Variants in DEK observed in about 807,000 individuals in gnomAD.
DEK encodes the protein protein DEK.
Under a neutral mutation model 46.8 loss-of-function variants are expected in DEK, and 28 were observed. The ratio of observed to expected loss-of-function variants is 0.60; its 90% confidence interval spans 0.44 to 0.82. The LOEUF (loss-of-function observed/expected upper bound fraction) is 0.82, where lower values mean the gene tolerates loss of function less well. Ranked by LOEUF, DEK falls within the 40% of genes least tolerant of loss-of-function variation. DEK has a pLI of 0.00. For missense variants in DEK, 416 were observed against 430.6 expected, an observed-to-expected ratio of 0.97 and a Z score of 0.30; for synonymous variants, 160 against 144.5, an observed-to-expected ratio of 1.11 and a Z score of -0.77.
rs752612419 is a variant in DEK at position 18,263,897 on chromosome 6, C to T, written c.91G>A (p.Glu31Lys). 1 of 1,612,882 alleles carries T rather than the reference C, an allele frequency of 6.2e-7. No homozygotes were observed. The highest frequency in any genetic ancestry group is 1.3e-5 in the African/African-American group (1 of 74,998). ...TCCTCGTCCTCTTCCTCCTCGCTCTCCTCTCTGGGACCGGGCATTTCGGGT... is the reference window on the plus strand; with the variant it reads ...TCCTCGTCCTCTTCCTCCTCGCTCTTCTCTCTGGGACCGGGCATTTCGGGT... ...KEPEMPGPRE[E>K]SEEEEDEDDE... Residue 31 changes from glutamate to lysine, a missense_variant, in exon 2 of 11, where the codon GAG becomes AAG. Physicochemically the swap from Glu to Lys is moderately conservative, Grantham distance 56 (BLOSUM62 1). Coordinates refer to ENST00000652689, the MANE Select transcript of DEK (RefSeq NM_003472.4).
chr6:18,264,482 G>A lies in DEK; in HGVS notation c.-107C>T, dbSNP rs1792029916. ...CCGAGGAGAAGGCGCGCGGGCCGCT[G>A]TCTGGCGTGACGCTCGCGCCGCGCG... On this transcript the variant is annotated 5_prime_UTR_variant, in exon 1 of 11. Transcript: ENST00000652689. 1 of 274,230 alleles carries A rather than the reference G, an allele frequency of 3.6e-6. No homozygotes were observed. The highest frequency in any genetic ancestry group is 7.3e-6 in the Non-Finnish European group (1 of 136,908). 17.0% of individuals were successfully genotyped at this position (274,230 alleles called of 1,614,324 possible).
chr6:18,232,715 C>T (rs967547573), intron 9 of DEK, among the ~76,000 whole-genome samples: 2 of 152,110 alleles, frequency 1.3e-5, no homozygotes, highest in Admixed American at 1.3e-4. Flanking sequence ...TAAAAGAGGA[C>T]ACAAACAAAT....
chr6:18,226,862 C>A (rs905658187), intron 9 of DEK, among the ~76,000 whole-genome samples: 1 of 152,192 alleles, frequency 6.6e-6, no homozygotes, highest in Non-Finnish European at 1.5e-5. Flanking sequence ...AAGAAAAATT[C>A]TTCTGCCTTG....
rs186131269 is a variant in DEK at position 18,231,263 on chromosome 6, G to C, written c.1048-5021C>G. The stretch of plus-strand genomic sequence containing the variant: ...TAGCACTAAATGCCCACAGGAGAAA[G>C]CAGGAAAGATCTAAAATTGACACCC... On this transcript the variant is annotated intron_variant, in intron 9 of 10. Coordinates refer to ENST00000652689, the MANE Select transcript of DEK (RefSeq NM_003472.4). Among the ~76,000 whole-genome samples, 4 of 152,250 alleles carry C rather than the reference G, an allele frequency of 2.6e-5. No individual in the cohort carries two copies. In the East Asian group the frequency reaches 7.7e-4, roughly 29 times the overall value.
intron 6 of DEK, among the ~76,000 whole-genome samples, chr6:18,250,661 A>C (rs1791337528): frequency 7.7e-6 from 1 of 130,220 alleles, no homozygotes; most frequent in African/African-American, 3.0e-5. Context: ...ACGCCCAGCT[A>C]ATTTTTGTAT....
chr6:18,255,916 T>C (rs1791574069), intron 5 of DEK, 65 bp from the exon 6 acceptor site: 6 of 1,521,674 alleles, frequency 3.9e-6, no homozygotes, highest in Admixed American at 2.3e-5. Context: ...TTCTCCACAA[T>C]ATAAAGGGAA....
intron 9 of DEK, 93 bp from the exon 10 acceptor site, chr6:18,226,335 C>G (rs535678905): frequency 9.5e-7 from 1 of 1,057,360 alleles, no homozygotes; most frequent in Admixed American, 4.2e-5. Context: ...CTGCTACGTG[C>G]AAATAGCCAC....
At position 18,249,763 on chromosome 6, in the gene DEK, G is replaced by C; in HGVS notation, c.650C>G (p.Ala217Gly). ...AATTTCAGGACATTTGGTTCGCTTA[G>C]CCTTCCTTGCCATTCCAGAACTGTT... ...ERNSSGMARKAKRTKCPEILS... is the reference protein window; with the variant it reads ...ERNSSGMARKGKRTKCPEILS... Residue 217 changes from alanine (A) to glycine (G), a missense_variant, in exon 7 of 11, where the codon GCT becomes GGT. Transcript: ENST00000652689. The C allele has an allele frequency of 6.2e-7, 1 of 1,613,538 alleles. No individual in the cohort carries two copies. The highest frequency in any genetic ancestry group is 8.5e-7 in the Non-Finnish European group (1 of 1,179,898).
intron 2 of DEK, among the ~76,000 whole-genome samples, chr6:18,260,090 C>T (rs764859745): frequency 5.3e-5 from 8 of 152,148 alleles, no homozygotes; most frequent in Non-Finnish European, 8.8e-5. Context: ...TTCCAGGACG[C>T]CCCTCAGATG....
chr6:18,248,222 A>G (rs1350770939), intron 7 of DEK, among the ~76,000 whole-genome samples: 1 of 152,196 alleles, frequency 6.6e-6, no homozygotes, highest in Admixed American at 6.5e-5. Context: ...TTATACTAAT[A>G]CAGTAATAAT....
chr6:18,259,394 C>CAAA lies in DEK; in HGVS notation c.146-992_146-990dup, dbSNP rs56704006. Among the ~76,000 whole-genome samples, 32 of 41,476 alleles carry CAAA rather than the reference C, an allele frequency of 7.7e-4. 1 individual carries two copies. Among genetic ancestry groups the CAAA allele is most frequent in the Non-Finnish European group, 9.9e-4 (19 of 19,164 alleles). 27.2% of individuals were successfully genotyped at this position (41,476 alleles called of 152,430 possible). A position where few individuals can be genotyped will look rare whatever the true frequency, so the allele number is the denominator to read the frequency against. On this transcript the variant is annotated intron_variant, in intron 2 of 10. Transcript: ENST00000652689. ...TGGGCGACACAGCAAGACTCCGTCT[C>CAAA]AAAAAAAAAAAAAAAAAAAAAAAAA... is the stretch of plus-strand genomic sequence containing the variant.
At position 18,224,571 on chromosome 6, in the gene DEK, G is replaced by A. The variant is rs1354067345; in HGVS notation, c.*1148C>T. ...AACACTGATTAACCAAACTCTGAAA[G>A]CCAAGAGCCCCAACTCCAGAGAAAC... On this transcript the variant is annotated 3_prime_UTR_variant, in exon 11 of 11. Transcript: ENST00000652689. 1 of 202,386 alleles carries A rather than the reference G, an allele frequency of 4.9e-6. No individual in the cohort carries two copies. Among genetic ancestry groups the A allele is most frequent in the Non-Finnish European group, 1.0e-5 (1 of 98,512 alleles). 12.5% of individuals were successfully genotyped at this position (202,386 alleles called of 1,614,324 possible).
At chr6:18,235,525 C>T (rs915991585) in intron 9 of DEK, among the ~76,000 whole-genome samples, 3 of 152,306 alleles carry the variant, frequency 2.0e-5, no homozygotes, top group African/African-American at 7.2e-5. Flanking sequence ...CAGTACCTTC[C>T]ATATTCTAAC....
chr6:18,250,463 C>T lies in DEK; in HGVS notation c.574-624G>A, dbSNP rs186351776. On this transcript the variant is annotated intron_variant, in intron 6 of 10. Transcript: ENST00000652689. Reference sequence around the variant, plus strand: ...CAGCCTGGGCAACAGTGTGAGACTCCGTCTCAAAAAAACACAAAAAGCAAA... The same window carrying T: ...CAGCCTGGGCAACAGTGTGAGACTCTGTCTCAAAAAAACACAAAAAGCAAA... Among the ~76,000 whole-genome samples the T allele has an allele frequency of 8.5e-3, 1,283 of 151,652 alleles. 13 individuals are homozygous for T. Among genetic ancestry groups the T allele is most frequent in the South Asian group, 0.016 (77 of 4,806 alleles).
intron 7 of DEK, among the ~76,000 whole-genome samples, chr6:18,243,656 A>T (rs756383754): frequency 5.3e-5 from 8 of 152,212 alleles, no homozygotes; most frequent in Non-Finnish European, 8.8e-5. Flanking sequence ...TTTCCTCAAG[A>T]GGCATGAAGA....
chr6:18,250,185 A>C (rs1293120688), intron 6 of DEK, among the ~76,000 whole-genome samples: 1 of 152,192 alleles, frequency 6.6e-6, no homozygotes, highest in African/African-American at 2.4e-5. Flanking sequence ...AATTTATTTC[A>C]TCCCTACAAG....
intron 6 of DEK, among the ~76,000 whole-genome samples, chr6:18,253,303 G>A (rs1791471822): frequency 6.6e-6 from 1 of 152,148 alleles, no homozygotes; most frequent in Non-Finnish European, 1.5e-5. Context: ...GGAAAACTGA[G>A]AGCATTTATC....
chr6:18,239,053 T>C (rs913014452), intron 7 of DEK, among the ~76,000 whole-genome samples: 1 of 152,058 alleles, frequency 6.6e-6, no homozygotes, highest in Non-Finnish European at 1.5e-5. Context: ...GCCTCTTGAG[T>C]AGCTGGGATT....
intron 9 of DEK, among the ~76,000 whole-genome samples, chr6:18,229,645 G>T (rs1561972732): frequency 6.6e-6 from 1 of 152,122 alleles, no homozygotes; most frequent in Non-Finnish European, 1.5e-5. Context: ...AAGAGCAAAT[G>T]AATGAAATGA....
Sources: allele counts gnomAD v4.1 joint callset (sites outside exome capture counted in the v4.1 genomes callset), GRCh38; gene constraint gnomAD v4.1.1; transcripts MANE v1.5; gene names NCBI Gene and HGNC (gene_info 2026-07-23, HGNC 2026-07-21).